The following PTPRM variants were observed in gnomAD, a reference collection of about 807,000 sequenced individuals.
PTPRM encodes receptor-type tyrosine-protein phosphatase mu.
Under a neutral mutation model 186.7 loss-of-function variants are expected in PTPRM, and 47 were observed. The ratio of observed to expected loss-of-function variants is 0.25; its 90% CI spans 0.20 to 0.32. The LOEUF is 0.32. Ranked by LOEUF, PTPRM falls within the 10% of genes least tolerant of loss-of-function variation. PTPRM has a pLI of 1.00. For missense variants in PTPRM, 1,494 were observed against 1,865.0 expected (o/e 0.80, Z 3.66); for synonymous variants, 668 against 674.9 (o/e 0.99, Z 0.16).
chr18:7,746,974 C>G (rs1462608022), intron 1 of PTPRM, among the ~76,000 whole-genome samples: 2 of 152,086 alleles, frequency 1.3e-5, no homozygotes, highest in African/African-American at 2.4e-5. Context: ...GGGTTTCTCC[C>G]GGTGTGAACT....
intron 9 of PTPRM, among the ~76,000 whole-genome samples, chr18:8,081,903 T>C (rs2145204843): frequency 6.6e-6 from 1 of 152,276 alleles, no homozygotes; most frequent in Middle Eastern, 3.4e-3. Context: ...AGGTGTCTAA[T>C]TTTTACCAAA....
At chr18:7,842,404 T>C (rs2145847076) in intron 2 of PTPRM, among the ~76,000 whole-genome samples, 1 of 152,314 alleles carries the variant, frequency 6.6e-6, no homozygotes, top group East Asian at 1.9e-4. Flanking sequence ...GGTACTATTT[T>C]CTTATCCTTA....
chr18:7,737,876 C>T (rs2040805177), intron 1 of PTPRM, among the ~76,000 whole-genome samples: 1 of 152,176 alleles, frequency 6.6e-6, no homozygotes, highest in African/African-American at 2.4e-5. Context: ...TGCTCATTGG[C>T]ATATCCCAGT....
intron 1 of PTPRM, among the ~76,000 whole-genome samples, chr18:7,713,433 CATCAACACTATGAAGA>C (rs2040254301): frequency 6.6e-6 from 1 of 152,020 alleles, no homozygotes; most frequent in Non-Finnish European, 1.5e-5. Flanking sequence ...TTGTAAAGAC[CATCAACACTATGAAGA>C]AACTGCATCA....
In PTPRM at chr18:7,928,794, T is replaced by C. The variant is rs149805262; in HGVS notation, c.663+2111T>C. On this transcript the variant is annotated intron_variant, in intron 5 of 32. Transcript: ENST00000580170. ...TTTGTTGAGGACATGATTTGCTCTT[T>C]TTATTTTTGCAAACGTCCTGGACTT... 8.1e-3 allele frequency among the ~76,000 whole-genome samples: 1,238 copies of C among 152,338 alleles called. 7 individuals are homozygous for C. The highest frequency in any genetic ancestry group is 0.033 in the South Asian group (157 of 4,824).
rs566143754 is a variant in PTPRM at position 7,893,653 on chromosome 18, C to T, written c.468+5276C>T. ...TTAATTCCTGAGCACTTCCAGCAAGCATCGGCCTTGGAACTTTTAAAGACA... is the reference window on the plus strand; with the variant it reads ...TTAATTCCTGAGCACTTCCAGCAAGTATCGGCCTTGGAACTTTTAAAGACA... On this transcript the variant is annotated intron_variant, in intron 3 of 32. Transcript: ENST00000580170. 2.8e-4 allele frequency among the ~76,000 whole-genome samples: 43 copies of T among 152,336 alleles called. 1 individual carries two copies. Among genetic ancestry groups the T allele is most frequent in the Admixed American group, 1.2e-3 (18 of 15,306 alleles).
chr18:8,358,139 C>A (rs2377797), intron 23 of PTPRM, among the ~76,000 whole-genome samples: 89,496 of 150,776 alleles, frequency 0.59, 28,440 homozygotes, highest in Non-Finnish European at 0.73. Context: ...ATTCCCCCCC[C>A]CACACACACA....
At chr18:7,775,143 G>A (rs940505548) in intron 2 of PTPRM, among the ~76,000 whole-genome samples, 33 of 152,316 alleles carry the variant, frequency 2.2e-4, no homozygotes, top group African/African-American at 7.7e-4. Context: ...GCTTTTAAAC[G>A]TGAAGTAGAG....
intron 1 of PTPRM, among the ~76,000 whole-genome samples, chr18:7,750,275 TA>T (rs895942612): frequency 1.3e-5 from 2 of 152,014 alleles, no homozygotes; most frequent in South Asian, 4.2e-4. Flanking sequence ...TCATTTGTTT[TA>T]AAAAAAAGAA....
At chr18:7,996,763 G>A (rs2083561206) in intron 7 of PTPRM, among the ~76,000 whole-genome samples, 1 of 138,298 alleles carries the variant, frequency 7.2e-6, no homozygotes, top group Non-Finnish European at 1.6e-5. Flanking sequence ...ATCTGAAAAT[G>A]AAATCAAGAA....
intron 2 of PTPRM, among the ~76,000 whole-genome samples, chr18:7,842,864 A>C (rs1275335337): frequency 8.6e-6 from 1 of 115,868 alleles, no homozygotes; most frequent in Admixed American, 1.0e-4. Flanking sequence ...AGAGAAACAT[A>C]TATATATATA....
intron 14 of PTPRM, among the ~76,000 whole-genome samples, chr18:8,206,154 T>A (rs962580499): frequency 5.7e-4 from 87 of 151,950 alleles, no homozygotes; most frequent in Non-Finnish European, 1.3e-4. Context: ...CACCAAGAAA[T>A]GGCTATTGTA....
intron 5 of PTPRM, among the ~76,000 whole-genome samples, chr18:7,945,502 A>G (rs995193132): frequency 6.6e-6 from 1 of 152,014 alleles, no homozygotes; most frequent in African/African-American, 2.4e-5. Context: ...CCCACCAGCA[A>G]GAAGGCCCTC....
At chr18:8,005,974 C>T (rs894210712) in intron 7 of PTPRM, among the ~76,000 whole-genome samples, 2 of 152,114 alleles carry the variant, frequency 1.3e-5, no homozygotes, top group Non-Finnish European at 2.9e-5. Context: ...ACGTGTTAAG[C>T]GGGAACCTAA....
rs1313035202 is a variant in PTPRM at position 7,668,263 on chromosome 18, C to T, written c.73+100372C>T. On this transcript the variant is annotated intron_variant, in intron 1 of 32. Transcript: ENST00000580170. This position sits in a 1 kb window ranked among gnomAD's most constrained non-coding sequence, Gnocchi z 4.7. ...CCATGACAGCTCTGGTGTGAATAGT[C>T]ACAGTGCCACCATTTTGGGTCCTGG... Among the ~76,000 whole-genome samples the T allele has an allele frequency of 6.6e-6, 1 of 152,164 alleles. No homozygotes were observed. Among genetic ancestry groups the T allele is most frequent in the Non-Finnish European group, 1.5e-5 (1 of 68,040 alleles).
At chr18:7,716,521 A>G (rs565740456) in intron 1 of PTPRM, among the ~76,000 whole-genome samples, 1 of 152,342 alleles carries the variant, frequency 6.6e-6, no homozygotes, top group East Asian at 1.9e-4. Flanking sequence ...TCTGCACAAC[A>G]AAAGAAACTA....
At chr18:7,796,385 C>T (rs370480095) in intron 2 of PTPRM, among the ~76,000 whole-genome samples, 1 of 152,298 alleles carries the variant, frequency 6.6e-6, no homozygotes, top group South Asian at 2.1e-4. Context: ...ACAAAAATCA[C>T]TTGCATTACC....
At chr18:8,337,881 AT>A (rs1280996051) in intron 22 of PTPRM, among the ~76,000 whole-genome samples, 2 of 152,316 alleles carry the variant, frequency 1.3e-5, no homozygotes, top group East Asian at 3.9e-4. Context: ...TTATTAAAGA[AT>A]TTAGGGCTTA....
chr18:7,792,735 G>T (rs1179836375), intron 2 of PTPRM, among the ~76,000 whole-genome samples: 1 of 152,064 alleles, frequency 6.6e-6, no homozygotes, highest in African/African-American at 2.4e-5. Context: ...TGCGATCACG[G>T]CTTACTGCAG....
Sources: allele counts gnomAD v4.1 joint callset (sites outside exome capture counted in the v4.1 genomes callset), GRCh38; gene constraint gnomAD v4.1.1; non-coding constraint Gnocchi (gnomAD v3.1); transcripts MANE v1.5; gene names NCBI Gene and HGNC (gene_info 2026-07-23, HGNC 2026-07-21).